Variants in BRAP observed in about 807,000 individuals in gnomAD.
BRAP encodes the protein BRCA1 associated protein.
Under a neutral mutation model 73.4 loss-of-function variants are expected in BRAP, and 42 were observed. The observed-to-expected ratio is 0.57, with a 90% CI of 0.45 to 0.74. BRAP has a LOEUF of 0.74. BRAP is among the 30% of genes least tolerant of loss of function. The pLI, the probability that BRAP is intolerant of heterozygous loss-of-function variation, is 0.00. For synonymous variants in BRAP, 255 were observed against 267.4 expected, an observed-to-expected ratio of 0.95 and a Z score of 0.45; for missense variants, 593 against 751.4, an observed-to-expected ratio of 0.79 and a Z score of 2.46.
chr12:111,657,615 C>T (rs1480877218), intron 9 of BRAP, among the ~76,000 whole-genome samples: 3 of 152,116 alleles, frequency 2.0e-5, no homozygotes, highest in African/African-American at 4.8e-5. Flanking sequence ...TACGGTGGCT[C>T]ATGCCTATAA....
chr12:111,676,878 T>G (rs898124126), intron 4 of BRAP, among the ~76,000 whole-genome samples: 21 of 152,200 alleles, frequency 1.4e-4, no homozygotes, highest in Non-Finnish European at 7.3e-5. Flanking sequence ...GAGGGTATTA[T>G]TAGGTATTAG....
intron 6 of BRAP, among the ~76,000 whole-genome samples, chr12:111,663,985 T>G (rs934331762): frequency 9.2e-5 from 14 of 152,174 alleles, no homozygotes; most frequent in African/African-American, 3.1e-4. Flanking sequence ...CTGAGGAAAC[T>G]TCCAACTTTA....
chr12:111,677,359 G>A (rs902762732), intron 4 of BRAP, among the ~76,000 whole-genome samples: 6 of 152,070 alleles, frequency 3.9e-5, no homozygotes, highest in East Asian at 1.9e-4. Flanking sequence ...ACAAACAACC[G>A]CCTCCCTTCC....
At chr12:111,672,016 C>T (rs1236298148) in intron 5 of BRAP, among the ~76,000 whole-genome samples, 1 of 152,064 alleles carries the variant, frequency 6.6e-6, no homozygotes, top group African/African-American at 2.4e-5. Flanking sequence ...AACCACCGCG[C>T]CCAGCCAGGG....
chr12:111,643,248 G>GA lies in BRAP; in HGVS notation c.*950dup. ...TTGGTTATATCTTGAAAGCGTAATT[G>GA]AAAATCTGCCCAAGCTCCCTCTAGC... On this transcript the variant is annotated 3_prime_UTR_variant, in exon 12 of 12. Transcript: ENST00000419234. The GA allele has an allele frequency of 6.6e-6, 1 of 152,270 alleles. No homozygotes were observed. The highest frequency in any genetic ancestry group is 2.1e-4 in the South Asian group (1 of 4,820). The allele number at this position is 152,270 out of a possible 1,614,324, so 9.4% of individuals were successfully genotyped here.
chr12:111,642,491 C>G lies in BRAP; in HGVS notation c.*1708G>C, dbSNP rs570603505. 22 of 152,220 alleles carry G rather than the reference C, an allele frequency of 1.4e-4. No homozygotes were observed. Among genetic ancestry groups the G allele is most frequent in the Admixed American group, 1.0e-3 (16 of 15,278 alleles). 9.4% of individuals were successfully genotyped at this position (152,220 alleles called of 1,614,324 possible). On this transcript the variant is annotated 3_prime_UTR_variant, in exon 12 of 12. Transcript: ENST00000419234. ...TGGGGCCACTGGATAGAAGGGATCA[C>G]AGAGAAATGAGGAGTGAGCGAGCTT...
At chr12:111,679,378 G>T in intron 3 of BRAP, 38 bp from the exon 4 acceptor site, 3 of 1,384,640 alleles carry the variant, frequency 2.2e-6, no homozygotes, top group South Asian at 1.9e-5. Context: ...GAATAGATGA[G>T]GTATGGTTAG....
At chr12:111,673,627 A>C (rs1190677473) in intron 4 of BRAP, among the ~76,000 whole-genome samples, 2 of 152,066 alleles carry the variant, frequency 1.3e-5, no homozygotes, top group Non-Finnish European at 2.9e-5. Context: ...AAATAATAAT[A>C]ATAATAATAT....
chr12:111,668,204 C>T (rs981650115), intron 5 of BRAP, among the ~76,000 whole-genome samples: 1 of 152,134 alleles, frequency 6.6e-6, no homozygotes, highest in South Asian at 2.1e-4. Flanking sequence ...AAGACTCCGT[C>T]TGGGTCGGGG....
Position 111,683,154 on chromosome 12 carries a change from G to A in BRAP, c.236C>T (p.Ser79Phe), listed in dbSNP as rs1277498929. Residue 79 changes from serine to phenylalanine, a missense_variant, in exon 2 of 12, where the codon TCC becomes TTC. Ser to Phe is a radical substitution (Grantham distance 155). Transcript: ENST00000419234. ...GGTTTTAGAAAGCATACCTGGGTTG[G>A]ACTTCATGGTCTCAATGATCACATC... Reference protein sequence around the residue: ...MTDVIIETMKSNPDELKTTVE... With the variant: ...MTDVIIETMKFNPDELKTTVE... 2.5e-6 allele frequency: 4 copies of A among 1,613,362 alleles called. No homozygotes were observed. In the East Asian group the frequency reaches 8.9e-5, roughly 36 times the overall value.
Position 111,644,224 on chromosome 12 carries a change from T to C in BRAP, c.1754A>G (p.Lys585Arg). Residue 585 changes from lysine (K) to arginine (R), a missense_variant, in exon 12 of 12, where the codon AAG becomes AGG. Physicochemically the swap from Lys to Arg is conservative, Grantham distance 26. This residue lies in a region of BRAP where 79 missense variants were observed against 65.3 expected (regional missense o/e 1.21). Coordinates refer to ENST00000419234, the MANE Select transcript of BRAP (RefSeq NM_006768.5). ...TCACTTGCCCCTCTTGCTGCGGCCC[T>C]TCCTGGAGGGCAACTTCCCACTGCC... ...SGGSGKLPSR[K>R]GRSKRGK 6.2e-7 allele frequency: 1 copy of C among 1,612,744 alleles called. No homozygotes were observed. Among genetic ancestry groups the C allele is most frequent in the Non-Finnish European group, 8.5e-7 (1 of 1,179,902 alleles).
chr12:111,668,749 C>T (rs1352619608), intron 5 of BRAP, among the ~76,000 whole-genome samples: 2 of 151,858 alleles, frequency 1.3e-5, no homozygotes, highest in East Asian at 3.9e-4. Flanking sequence ...CTCCGCCTCC[C>T]GGGTTCACGC....
chr12:111,673,523 AAAAAG>A (rs972977198), intron 4 of BRAP, among the ~76,000 whole-genome samples: 2 of 151,516 alleles, frequency 1.3e-5, no homozygotes, highest in Admixed American at 6.6e-5. Context: ...AAAAAAAAAA[AAAAAG>A]AAAGAAAATG....
intron 4 of BRAP, among the ~76,000 whole-genome samples, chr12:111,677,954 C>A (rs962355192): frequency 6.6e-6 from 1 of 152,150 alleles, no homozygotes; most frequent in African/African-American, 2.4e-5. Flanking sequence ...ACTCTTCCCC[C>A]ACTAAAAAGA....
At position 111,644,471 on chromosome 12, in the gene BRAP, G is replaced by A. The variant is rs201288855; in HGVS notation, c.1507C>T (p.Leu503Phe). The change falls in exon 12 of 12, where the codon CTC (leucine) becomes TTC (phenylalanine). Residue 503 changes from leucine (L) to phenylalanine (F), a missense_variant. Around this residue, in one of 4 missense-constraint regions of BRAP, gnomAD observed 143 missense variants for 190.4 expected, o/e 0.75. Transcript: ENST00000419234. The part of the protein sequence containing the change: ...MNKCLRANQV[L>F]LQNKLKEEER... ...TCCTCTTTTAGCTTGTTCTGCAGGAGGACTTGGTTGGCTCGCAAACACTTG... is the reference window on the plus strand; with the variant it reads ...TCCTCTTTTAGCTTGTTCTGCAGGAAGACTTGGTTGGCTCGCAAACACTTG... 1.2e-6 allele frequency: 2 copies of A among 1,614,162 alleles called. No homozygotes were observed. Among genetic ancestry groups the A allele is most frequent in the South Asian group, 1.1e-5 (1 of 91,076 alleles).
Position 111,660,645 on chromosome 12 carries a change from G to A in BRAP, c.927C>T (p.Pro309=), listed in dbSNP as rs201734278. 71 of 1,605,498 alleles carry A rather than the reference G, an allele frequency of 4.4e-5. No individual in the cohort carries two copies. Among genetic ancestry groups the A allele is most frequent in the East Asian group, 6.8e-5 (3 of 44,384 alleles). Residue 309 remains proline, a synonymous_variant, in exon 7 of 12, where the codon CCC becomes CCT. Coordinates refer to ENST00000419234, the MANE Select transcript of BRAP (RefSeq NM_006768.5). Reference sequence around the variant, plus strand: ...AACACTTATTTTCTTCTACTGGCTCGGGCGTTTGACAGTACCGGCAAACAG... The same window carrying A: ...AACACTTATTTTCTTCTACTGGCTCAGGCGTTTGACAGTACCGGCAAACAG... ...TCPVCRYCQT[P]EPVEENKCFE...
intron 4 of BRAP, 47 bp from the exon 5 acceptor site, chr12:111,672,821 T>A (rs755842742): frequency 6.3e-5 from 91 of 1,448,012 alleles, no homozygotes; most frequent in Non-Finnish European, 8.6e-5. Context: ...ACAGATACCC[T>A]GAAAATCTGC....
intron 4 of BRAP, chr12:111,673,100 G>GT (rs577404659): frequency 1.1e-4 from 26 of 247,440 alleles, no homozygotes; most frequent in South Asian, 4.2e-4. Flanking sequence ...CTTAATAGCA[G>GT]TTTTTTTTCC....
At chr12:111,674,431 C>T (rs1442900355) in intron 4 of BRAP, among the ~76,000 whole-genome samples, 1 of 152,134 alleles carries the variant, frequency 6.6e-6, no homozygotes, top group African/African-American at 2.4e-5. Context: ...TTAGTAGACA[C>T]AGGGTTTCAC....
Sources: allele counts gnomAD v4.1 joint callset (sites outside exome capture counted in the v4.1 genomes callset), GRCh38; gene constraint gnomAD v4.1.1; regional missense constraint gnomAD v4.1.1; transcripts MANE v1.5; gene names NCBI Gene and HGNC (gene_info 2026-07-23, HGNC 2026-07-21).